WDR31: variants seen among roughly 807,000 people sequenced by gnomAD.
The protein encoded by WDR31 is WD repeat-containing protein 31.
Under a neutral mutation model 47.3 loss-of-function variants are expected in WDR31, and 30 were observed. That is an observed-to-expected ratio of 0.63 (90% CI 0.47 to 0.86). The LOEUF (loss-of-function observed/expected upper bound fraction) is 0.86, where lower values mean the gene tolerates loss of function less well. Among genes scored for constraint, WDR31 ranks in the 40% least tolerant of loss-of-function variants. The probability of loss-of-function intolerance (pLI) is 0.00; values close to 1 mark genes in which losing one functional copy is unlikely to be tolerated. For missense variants in WDR31, 406 were observed against 442.9 expected, an observed-to-expected ratio of 0.92 and a Z score of 0.75; for synonymous variants, 137 against 159.4, an observed-to-expected ratio of 0.86 and a Z score of 1.06.
intron 1 of WDR31, among the ~76,000 whole-genome samples, chr9:113,339,771 C>T (rs1191932416): frequency 6.6e-6 from 1 of 152,212 alleles, no homozygotes; most frequent in Non-Finnish European, 1.5e-5. Context: ...TCTCGAGTCT[C>T]GCTCTGTCAC....
At chr9:113,335,959 C>T (rs938175407) in intron 2 of WDR31, among the ~76,000 whole-genome samples, 1 of 152,226 alleles carries the variant, frequency 6.6e-6, no homozygotes, top group Non-Finnish European at 1.5e-5. Flanking sequence ...AAGGTCCCTT[C>T]CACTTCAGAT....
intron 3 of WDR31, among the ~76,000 whole-genome samples, chr9:113,331,647 A>G (rs1291709748): frequency 1.3e-5 from 2 of 152,170 alleles, no homozygotes; most frequent in African/African-American, 2.4e-5. Context: ...GGGTTTCGCC[A>G]TGTTGCCAAG....
chr9:113,327,691 A>T (rs1833507960), intron 5 of WDR31, among the ~76,000 whole-genome samples: 1 of 151,962 alleles, frequency 6.6e-6, no homozygotes, highest in South Asian at 2.1e-4. Flanking sequence ...GGGTCTTGCT[A>T]TGTCCCAGGC....
At chr9:113,336,099 C>T (rs1833710207) in intron 2 of WDR31, among the ~76,000 whole-genome samples, 189 bp downstream of exon 2, 1 of 152,160 alleles carries the variant, frequency 6.6e-6, no homozygotes, top group Non-Finnish European at 1.5e-5. Flanking sequence ...CCAGCCTAAC[C>T]TATTTTTCAA....
At chr9:113,324,142 C>A (rs1250823186) in intron 5 of WDR31, among the ~76,000 whole-genome samples, 1 of 152,064 alleles carries the variant, frequency 6.6e-6, no homozygotes, top group Non-Finnish European at 1.5e-5. Flanking sequence ...TCACCACTAT[C>A]ATCTCTAGAA....
chr9:113,322,735 G>C lies in WDR31; in HGVS notation c.570+76C>G, dbSNP rs375307174. 2.5e-4 allele frequency: 364 copies of C among 1,478,386 alleles called. 6 individuals are homozygous for C. The South Asian group carries it at 4.4e-3, about 18-fold the overall frequency. The allele number at this position is 1,478,386 out of a possible 1,614,324, so 91.6% of individuals were successfully genotyped here. On this transcript the variant is annotated intron_variant, in intron 7 of 10. Coordinates refer to ENST00000374193, the MANE Select transcript of WDR31 (RefSeq NM_001012361.4). The stretch of plus-strand genomic sequence containing the variant: ...TCTAATTTCTGCTCATGGGCCTCCT[G>C]ATTTATCTCCCGAGCCTTTCCTTCA...
chr9:113,337,360 T>A (rs554356990), intron 1 of WDR31, among the ~76,000 whole-genome samples: 1 of 152,332 alleles, frequency 6.6e-6, no homozygotes, highest in East Asian at 1.9e-4. Flanking sequence ...TTACTACAGG[T>A]TGAGCATCTA....
chr9:113,314,159 C>CA lies in WDR31; in HGVS notation c.*2589dup, dbSNP rs1192704466. ...TGGGCGACAGAGCAAGATTCCATCTCAAAAAAAAAAAAAAAAAAAAGGATC... is the reference window on the plus strand; with the variant it reads ...TGGGCGACAGAGCAAGATTCCATCTCAAAAAAAAAAAAAAAAAAAAAGGATC... On this transcript the variant is annotated 3_prime_UTR_variant, in exon 11 of 11. Transcript: ENST00000374193. The CA allele has an allele frequency of 0.57, 34,395 of 60,458 alleles. 10,391 individuals carry two copies. The highest frequency in any genetic ancestry group is 0.68 in the South Asian group (775 of 1,134). The allele number at this position is 60,458 out of a possible 1,614,324, so 3.7% of individuals were successfully genotyped here.
rs1318920689 is a variant in WDR31 at position 113,314,285 on chromosome 9, G to A, written c.*2464C>T. The A allele has an allele frequency of 6.6e-6, 1 of 150,836 alleles. No homozygotes were observed. The highest frequency in any genetic ancestry group is 1.5e-5 in the Non-Finnish European group (1 of 67,870). The allele number at this position is 150,836 out of a possible 1,614,324, so 9.3% of individuals were successfully genotyped here. On this transcript the variant is annotated 3_prime_UTR_variant, in exon 11 of 11. Coordinates refer to ENST00000374193, the MANE Select transcript of WDR31 (RefSeq NM_001012361.4). ...GCTGGAGTGCAATGGCACAATCTCA[G>A]CTCACTGCAACCTCTGCCTCCCCGG...
chr9:113,320,951 A>G (rs923999847), intron 8 of WDR31, among the ~76,000 whole-genome samples: 2 of 152,098 alleles, frequency 1.3e-5, no homozygotes, highest in Admixed American at 6.5e-5. Flanking sequence ...TCCACTGGGG[A>G]GTGTTTTGTT....
intron 5 of WDR31, among the ~76,000 whole-genome samples, chr9:113,324,838 GTGT>G (rs1564303333): frequency 4.0e-4 from 26 of 65,236 alleles, no homozygotes; most frequent in African/African-American, 1.2e-3. Flanking sequence ...ATGTGTGTGT[GTGT>G]GTGTGTGTGT....
rs970070655 is a variant in WDR31 at position 113,315,029 on chromosome 9, A to G, written c.*1720T>C. On this transcript the variant is annotated 3_prime_UTR_variant, in exon 11 of 11. Coordinates refer to ENST00000374193, the MANE Select transcript of WDR31 (RefSeq NM_001012361.4). Reference sequence around the variant, plus strand: ...GGAAACAGATTTTATAACTTGCCCAAGATCATCCAGCTAAATGGAGAAGTG... The same window carrying G: ...GGAAACAGATTTTATAACTTGCCCAGGATCATCCAGCTAAATGGAGAAGTG... 4 of 152,216 alleles carry G rather than the reference A, an allele frequency of 2.6e-5. No individual in the cohort carries two copies. Among genetic ancestry groups the G allele is most frequent in the East Asian group, 3.9e-4 (2 of 5,192 alleles). 9.4% of individuals were successfully genotyped at this position (152,216 alleles called of 1,614,324 possible). A position where few individuals can be genotyped will look rare whatever the true frequency, so the allele number is the denominator to read the frequency against.
At chr9:113,334,582 C>G (rs983166329) in intron 2 of WDR31, among the ~76,000 whole-genome samples, 1 of 151,812 alleles carries the variant, frequency 6.6e-6, no homozygotes, top group African/African-American at 2.4e-5. Context: ...TCTTGTCACC[C>G]AGGCTGGAGT....
At chr9:113,318,384 T>A (rs1833253832) in intron 10 of WDR31, 91 bp downstream of exon 10, 2 of 1,490,838 alleles carry the variant, frequency 1.3e-6, no homozygotes, top group African/African-American at 1.4e-5. Flanking sequence ...ATGGGTGGCT[T>A]TGTAATGCTG....
intron 5 of WDR31, among the ~76,000 whole-genome samples, chr9:113,326,099 C>T (rs950084661): frequency 8.5e-5 from 13 of 152,140 alleles, no homozygotes; most frequent in African/African-American, 1.9e-4. Flanking sequence ...TTAGTAGAGA[C>T]GGGGTTTCTC....
In WDR31 at chr9:113,320,492, C is replaced by A; in HGVS notation, c.645G>T (p.Trp215Cys). The change falls in exon 9 of 11, where the codon TGG becomes TGT. Residue 215 changes from tryptophan to cysteine, a missense_variant. Trp to Cys is a radical substitution (Grantham distance 215). Transcript: ENST00000374193. ...QTSEDKTLRL[W>C]DSRGLQVAHM... ...GAGCTACCTGCAGCCCCCGACTGTC[C>A]CATAATCTGAAAGAGATTAGGGCAG... The A allele has an allele frequency of 1.2e-6, 2 of 1,613,548 alleles. No individual in the cohort carries two copies. The highest frequency in any genetic ancestry group is 2.2e-5 in the South Asian group (2 of 90,928).
chr9:113,330,712 C>T lies in WDR31; in HGVS notation c.249+272G>A, dbSNP rs992628181. 3.3e-5 allele frequency among the ~76,000 whole-genome samples: 5 copies of T among 152,260 alleles called. No individual in the cohort carries two copies. In the South Asian group the frequency reaches 6.2e-4, roughly 19 times the overall value. ...AGGCATAGTGTTAAGATCTCACCTACGTTCTTTGATTTAATCTTTAATAAC... is the reference window on the plus strand; with the variant it reads ...AGGCATAGTGTTAAGATCTCACCTATGTTCTTTGATTTAATCTTTAATAAC... On this transcript the variant is annotated intron_variant, in intron 4 of 10. Coordinates refer to ENST00000374193, the MANE Select transcript of WDR31 (RefSeq NM_001012361.4).
chr9:113,318,718 A>G, intron 9 of WDR31, 81 bp from the exon 10 acceptor site: 2 of 1,480,726 alleles, frequency 1.4e-6, no homozygotes, highest in Non-Finnish European at 1.9e-6. Context: ...TACCCCCATG[A>G]TGCACCTATT....
At chr9:113,332,715 A>C (rs1159461987) in intron 2 of WDR31, among the ~76,000 whole-genome samples, 1 of 145,808 alleles carries the variant, frequency 6.9e-6, no homozygotes, top group Non-Finnish European at 1.5e-5. Flanking sequence ...AATAGGCTAG[A>C]TATAGTTTGG....
Sources: gnomAD v4.1 joint callset for allele counts (sites outside exome capture counted in the v4.1 genomes callset) on GRCh38, gnomAD v4.1.1 for gene constraint, MANE v1.5 for transcripts, NCBI Gene and HGNC (gene_info 2026-07-23, HGNC 2026-07-21) for gene names.